The following POU2AF3 variants were observed in gnomAD, a reference collection of about 807,000 sequenced individuals.
POU2AF3 encodes POU class 2 homeobox associating factor 3.
At chr11:111,307,122 A>C in the POU2AF3 span, among the ~76,000 whole-genome samples, 1 of 152,182 alleles carries the variant, frequency 6.6e-6, no homozygotes, top group Middle Eastern at 3.4e-3. Flanking sequence ...TGAGTCTGCT[A>C]TAAGCACAAT....
the POU2AF3 span, chr11:111,298,826 G>GCGC: frequency 6.3e-6 from 5 of 790,960 alleles, no homozygotes; most frequent in Non-Finnish European, 8.5e-6. Flanking sequence ...CGTACCCCAG[G>GCGC]CCCCCGCCCG....
At chr11:111,307,574 A>G in the POU2AF3 span, among the ~76,000 whole-genome samples, 2 of 152,338 alleles carry the variant, frequency 1.3e-5, no homozygotes, top group Middle Eastern at 3.4e-3. Context: ...CCAGGGAACA[A>G]GACTTTAGTG....
At chr11:111,299,104 G>T in the POU2AF3 span, 1 of 970,050 alleles carries the variant, frequency 1.0e-6, no homozygotes. Context: ...CCCTGCGGGC[G>T]GGGCACGGGA....
chr11:111,304,112 A>G, the POU2AF3 span, among the ~76,000 whole-genome samples: 2 of 152,158 alleles, frequency 1.3e-5, no homozygotes, highest in Non-Finnish European at 2.9e-5. Flanking sequence ...GTAGGTTCCA[A>G]CTCACCAACC....
the POU2AF3 span, chr11:111,298,899 C>G: frequency 3.9e-5 from 44 of 1,118,132 alleles, no homozygotes; most frequent in African/African-American, 6.8e-4. Context: ...CGCCCAGAAG[C>G]TGCTACGGGG....
the POU2AF3 span, chr11:111,298,828 C>G: frequency 2.7e-5 from 11 of 411,048 alleles, no homozygotes; most frequent in Non-Finnish European, 4.1e-5. Flanking sequence ...TACCCCAGGC[C>G]CCCGCCCGCC....
chr11:111,300,349 T>C, the POU2AF3 span: 1 of 351,356 alleles, frequency 2.8e-6, no homozygotes, highest in Non-Finnish European at 5.1e-6. Context: ...GCTCAGCTAC[T>C]CTTCATTCTT....
the POU2AF3 span, among the ~76,000 whole-genome samples, chr11:111,302,498 G>A: frequency 6.6e-6 from 1 of 152,136 alleles, no homozygotes; most frequent in African/African-American, 2.4e-5. Context: ...GTTGCTGCTG[G>A]GCCCTTACAG....
the POU2AF3 span, among the ~76,000 whole-genome samples, chr11:111,303,514 G>A: frequency 2.6e-5 from 4 of 152,156 alleles, no homozygotes; most frequent in African/African-American, 9.7e-5. Flanking sequence ...ACACACCTCA[G>A]GGAGATAACA....
the POU2AF3 span, among the ~76,000 whole-genome samples, chr11:111,307,495 C>A: frequency 6.6e-6 from 1 of 152,082 alleles, no homozygotes; most frequent in African/African-American, 2.4e-5. Flanking sequence ...TCCTTCCCAG[C>A]CTCCAAGTTA....
the POU2AF3 span, chr11:111,298,815 G>A: frequency 3.2e-5 from 38 of 1,194,660 alleles, no homozygotes; most frequent in African/African-American, 5.3e-4. Context: ...CCGGACGTCC[G>A]CGTACCCCAG....
At chr11:111,299,316 G>A in the POU2AF3 span, 1 of 987,504 alleles carries the variant, frequency 1.0e-6, no homozygotes, top group Admixed American at 6.1e-5. Context: ...CGCACTTCCC[G>A]GCGCGATTCC....
At chr11:111,298,691 G>A in the POU2AF3 span, 8 of 1,160,762 alleles carry the variant, frequency 6.9e-6, no homozygotes, top group Non-Finnish European at 8.8e-6. Context: ...GAGGCACAAA[G>A]TCAAGGCATG....
the POU2AF3 span, chr11:111,298,878 C>T: frequency 7.2e-5 from 81 of 1,125,870 alleles, no homozygotes; most frequent in East Asian, 2.8e-3. Flanking sequence ...ACACGCGGTG[C>T]GGACCCTGCG....
chr11:111,299,840 A>G, the POU2AF3 span: 2 of 747,744 alleles, frequency 2.7e-6, no homozygotes, highest in East Asian at 3.4e-5. Flanking sequence ...CAGAAGGCAA[A>G]GACAGAAGGG....
chr11:111,305,035 C>A, the POU2AF3 span: 100 of 1,109,810 alleles, frequency 9.0e-5, no homozygotes, highest in Middle Eastern at 3.3e-4. Flanking sequence ...AAAAGTCCAT[C>A]TCAAAAGTCT....
At chr11:111,301,155 A>G in the POU2AF3 span, among the ~76,000 whole-genome samples, 1 of 152,222 alleles carries the variant, frequency 6.6e-6, no homozygotes. Flanking sequence ...CAGAAGAGAC[A>G]GCTGGAGTAC....
At chr11:111,304,103 T>C in the POU2AF3 span, among the ~76,000 whole-genome samples, 1 of 152,126 alleles carries the variant, frequency 6.6e-6, no homozygotes, top group Non-Finnish European at 1.5e-5. Flanking sequence ...AGAATGAAAG[T>C]AGGTTCCAAC....
the POU2AF3 span, chr11:111,299,751 A>G: frequency 8.2e-7 from 1 of 1,226,014 alleles, no homozygotes; most frequent in Non-Finnish European, 1.0e-6. Flanking sequence ...AGAAGGGGAG[A>G]GTAGGAGCGG....
Sources: allele counts gnomAD v4.1 joint callset (sites outside exome capture counted in the v4.1 genomes callset), GRCh38; gene constraint gnomAD v4.1.1; transcripts MANE v1.5; gene names NCBI Gene and HGNC (gene_info 2026-07-23, HGNC 2026-07-21).